PXDN: variants seen among roughly 807,000 people sequenced by gnomAD.
The protein encoded by PXDN is peroxidasin homolog.
Under a neutral mutation model 140.3 loss-of-function variants are expected in PXDN, and 77 were observed. That is an observed-to-expected ratio of 0.55 (90% CI 0.46 to 0.66). The LOEUF (loss-of-function observed/expected upper bound fraction) is 0.66. Among genes scored for constraint, PXDN ranks in the 30% least tolerant of loss-of-function variants. The pLI, the probability that PXDN is intolerant of heterozygous loss-of-function variation, is 0.00. For missense variants in PXDN, 1,838 were observed against 2,039.5 expected (o/e 0.90, Z 1.90); for synonymous variants, 911 against 857.4 (o/e 1.06, Z -1.09).
At chr2:1,654,576 G>A (rs1265280370) in intron 14 of PXDN, 68 bp from the exon 15 acceptor site, 2 of 1,015,590 alleles carry the variant, frequency 2.0e-6, no homozygotes, top group Non-Finnish European at 3.0e-6. Flanking sequence ...ATGATGTCTA[G>A]ACACTACATC....
chr2:1,673,115 C>T (rs995110178), intron 9 of PXDN, among the ~76,000 whole-genome samples: 4 of 152,068 alleles, frequency 2.6e-5, no homozygotes, highest in African/African-American at 4.8e-5. Flanking sequence ...CTGATGGGGC[C>T]CAGATGGATG....
chr2:1,691,691 C>T (rs1016385489), intron 3 of PXDN, among the ~76,000 whole-genome samples: 1 of 152,292 alleles, frequency 6.6e-6, no homozygotes, highest in South Asian at 2.1e-4. Flanking sequence ...TCATTTTATG[C>T]AATCCACTTT....
At chr2:1,646,604 T>C (rs1682855510) in intron 17 of PXDN, among the ~76,000 whole-genome samples, 1 of 152,222 alleles carries the variant, frequency 6.6e-6, no homozygotes, top group South Asian at 2.1e-4. Flanking sequence ...CATGTTCATT[T>C]AGTCATAACT....
At chr2:1,742,433 C>T (rs1157050897) in intron 1 of PXDN, among the ~76,000 whole-genome samples, 1 of 152,192 alleles carries the variant, frequency 6.6e-6, no homozygotes, top group Admixed American at 6.5e-5. Context: ...GATGATGTCA[C>T]CCGTCTACTC....
chr2:1,641,015 G>C (rs1572115819), intron 19 of PXDN, among the ~76,000 whole-genome samples: 1 of 152,348 alleles, frequency 6.6e-6, no homozygotes, highest in South Asian at 2.1e-4. Context: ...CCTGCTCTGT[G>C]CTGCCCAGGC....
intron 8 of PXDN, among the ~76,000 whole-genome samples, chr2:1,674,335 A>C (rs998105003): frequency 6.6e-6 from 1 of 152,136 alleles, no homozygotes; most frequent in East Asian, 1.9e-4. Flanking sequence ...TCGGGCTCCG[A>C]AAGTGCTGGG....
rs759696938 is a variant in PXDN, at chr2:1,663,618, A to C, written c.1554T>G (p.Thr518=). ...CCTGGCACCTACCTCTGGGCTGCAC[A>C]GTCAGGTGGGCCACGACCTTCTGGG... ...IGSQKVVAHL[T]VQPRVTPVFA... Residue 518 remains threonine (T), a synonymous_variant, in exon 12 of 23, where the codon ACT becomes ACG. Transcript: ENST00000252804. 2 of 1,613,888 alleles carry C rather than the reference A, an allele frequency of 1.2e-6. No homozygotes were observed. The highest frequency in any genetic ancestry group is 8.5e-7 in the Non-Finnish European group (1 of 1,179,914).
rs1178883307 is a variant in PXDN, at chr2:1,634,117, C to G, written c.*87G>C. On this transcript the variant is annotated 3_prime_UTR_variant, in exon 23 of 23. Transcript: ENST00000252804. Reference sequence around the variant, plus strand: ...GAAATGTCACGAGTTCTGGGTGTTTCCTGGTCTGCAGTCCGCAGCTCCCTG... The same window carrying G: ...GAAATGTCACGAGTTCTGGGTGTTTGCTGGTCTGCAGTCCGCAGCTCCCTG... The G allele has an allele frequency of 6.6e-7, 1 of 1,514,700 alleles. No individual in the cohort carries two copies. Among genetic ancestry groups the G allele is most frequent in the Non-Finnish European group, 8.9e-7 (1 of 1,121,920 alleles). 93.8% of individuals were successfully genotyped at this position (1,514,700 alleles called of 1,614,324 possible). A position where few individuals can be genotyped will look rare whatever the true frequency, so the allele number is the denominator to read the frequency against.
chr2:1,713,852 C>T (rs1684837972), intron 1 of PXDN, among the ~76,000 whole-genome samples: 1 of 152,236 alleles, frequency 6.6e-6, no homozygotes, highest in Non-Finnish European at 1.5e-5. Context: ...TCACTGACCC[C>T]ATTTTTTTGG....
intron 1 of PXDN, among the ~76,000 whole-genome samples, chr2:1,742,310 C>T (rs949321597): frequency 6.6e-6 from 1 of 152,188 alleles, no homozygotes; most frequent in Non-Finnish European, 1.5e-5. Context: ...ACAGAATCAA[C>T]GTGACTCAAC....
Position 1,649,679 on chromosome 2 carries a change from G to A in PXDN, c.2105-4C>T, listed in dbSNP as rs779668723. Reference sequence around the variant, plus strand: ...ACCAGGTCGTTGTAGTGGTAACCTGGGACGTGGAGAAAAGCAAGACGCACT... The same window carrying A: ...ACCAGGTCGTTGTAGTGGTAACCTGAGACGTGGAGAAAAGCAAGACGCACT... On this transcript the variant is annotated splice_polypyrimidine_tract_variant and splice_region_variant and intron_variant, in intron 16 of 22. Transcript: ENST00000252804. The surrounding 1 kb of genome is among the most constrained non-coding windows in gnomAD (Gnocchi z 7.1). 6.2e-7 allele frequency: 1 copy of A among 1,613,726 alleles called. No homozygotes were observed. The highest frequency in any genetic ancestry group is 1.1e-5 in the South Asian group (1 of 91,040).
chr2:1,693,233 A>T, intron 1 of PXDN, 99 bp from the exon 2 acceptor site: 1 of 991,326 alleles, frequency 1.0e-6, no homozygotes. Flanking sequence ...CAATGCATTT[A>T]AAATATTAAA....
At chr2:1,655,556 C>G (rs530966932) in intron 14 of PXDN, among the ~76,000 whole-genome samples, 1 of 151,416 alleles carries the variant, frequency 6.6e-6, no homozygotes, top group East Asian at 2.0e-4. Context: ...CCCCTCCTGA[C>G]AGCAACCTGC....
chr2:1,648,127 G>C lies in PXDN; in HGVS notation c.3608+45C>G. 6.3e-7 allele frequency: 1 copy of C among 1,577,610 alleles called. No individual in the cohort carries two copies. Among genetic ancestry groups the C allele is most frequent in the East Asian group, 2.2e-5 (1 of 44,454 alleles). ...CACACACCACAGTTCAGGTGTTCCAGGTGCCTAGGTACACGAGCCATCCCA... is the reference window on the plus strand; with the variant it reads ...CACACACCACAGTTCAGGTGTTCCACGTGCCTAGGTACACGAGCCATCCCA... On this transcript the variant is annotated intron_variant, in intron 17 of 22. Coordinates refer to ENST00000252804, the MANE Select transcript of PXDN (RefSeq NM_012293.3). This position sits in a 1 kb window ranked among gnomAD's most constrained non-coding sequence, Gnocchi z 8.9.
intron 6 of PXDN, among the ~76,000 whole-genome samples, chr2:1,682,191 T>C (rs898613895): frequency 3.3e-5 from 5 of 152,210 alleles, no homozygotes; most frequent in African/African-American, 1.2e-4. Flanking sequence ...ATCCAGGCTG[T>C]TACCAGTCTG....
At chr2:1,680,117 A>G (rs777417310) in intron 7 of PXDN, 76 bp downstream of exon 7, 778 of 1,384,222 alleles carry the variant, frequency 5.6e-4, no homozygotes, top group Non-Finnish European at 6.8e-4. Flanking sequence ...TTGTGTGTGT[A>G]GATGGTGTGT....
At chr2:1,701,854 T>C (rs532462476) in intron 1 of PXDN, among the ~76,000 whole-genome samples, 1 of 152,296 alleles carries the variant, frequency 6.6e-6, no homozygotes, top group South Asian at 2.1e-4. Flanking sequence ...GACAGCGGTC[T>C]TGTCCTGTCC....
intron 12 of PXDN, among the ~76,000 whole-genome samples, chr2:1,663,173 G>A (rs930137552): frequency 3.3e-5 from 5 of 152,110 alleles, no homozygotes; most frequent in African/African-American, 9.7e-5. Context: ...GCGGGCAGAC[G>A]GGAAAGAAAC....
At chr2:1,644,285 G>A (rs982981399) in intron 18 of PXDN, among the ~76,000 whole-genome samples, 5 of 152,022 alleles carry the variant, frequency 3.3e-5, no homozygotes, top group Non-Finnish European at 5.9e-5. Flanking sequence ...GATCTTGCCC[G>A]AAGCCCAAAC....
Sources: allele counts gnomAD v4.1 joint callset (sites outside exome capture counted in the v4.1 genomes callset), GRCh38; gene constraint gnomAD v4.1.1; non-coding constraint Gnocchi (gnomAD v3.1); transcripts MANE v1.5; gene names NCBI Gene and HGNC (gene_info 2026-07-23, HGNC 2026-07-21).